NUP133: variants seen among roughly 807,000 people sequenced by gnomAD.
NUP133 encodes nucleoporin 133.
In NUP133, 66 loss-of-function variants were observed where a neutral mutation model predicts 146.2. The observed-to-expected ratio is 0.45, with a 90% confidence interval of 0.37 to 0.55. The LOEUF is 0.55. NUP133 is among the 20% of genes least tolerant of loss of function. NUP133 has a pLI of 0.00. For missense variants in NUP133, 1,277 were observed against 1,374.8 expected, an observed-to-expected ratio of 0.93 and a Z score of 1.12; for synonymous variants, 521 against 498.8, an observed-to-expected ratio of 1.04 and a Z score of -0.59.
chr1:229,450,485 T>C (rs373544346), intron 23 of NUP133, 40 bp downstream of exon 23: 69 of 1,024,820 alleles, frequency 6.7e-5, no homozygotes, highest in Non-Finnish European at 9.8e-5. Context: ...TTTATATATG[T>C]ATTCAGTTGC....
chr1:229,449,390 C>T (rs1485975431), intron 23 of NUP133, among the ~76,000 whole-genome samples, 200 bp from the exon 24 acceptor site: 2 of 139,510 alleles, frequency 1.4e-5, no homozygotes, highest in African/African-American at 2.7e-5. Context: ...TTTTTTGAGA[C>T]GGAGTCTCGC....
intron 3 of NUP133, among the ~76,000 whole-genome samples, chr1:229,501,730 G>A (rs914038693): frequency 3.3e-5 from 5 of 152,098 alleles, no homozygotes; most frequent in Non-Finnish European, 2.9e-5. Context: ...TTAGGCAGAC[G>A]GATTAGCATT....
intron 20 of NUP133, among the ~76,000 whole-genome samples, chr1:229,460,254 G>T (rs551445769): frequency 6.6e-6 from 1 of 152,228 alleles, no homozygotes; most frequent in Admixed American, 6.5e-5. Flanking sequence ...GGAGTGCAAT[G>T]GTGCAATCTC....
chr1:229,500,572 A>C (rs747189764), intron 4 of NUP133, among the ~76,000 whole-genome samples, 184 bp downstream of exon 4: 14 of 152,290 alleles, frequency 9.2e-5, no homozygotes, highest in Non-Finnish European at 1.9e-4. Flanking sequence ...CTTTATGTGG[A>C]TCTATAACTG....
At chr1:229,490,173 A>G (rs371519920) in intron 8 of NUP133, 71 bp from the exon 9 acceptor site, 2 of 1,292,404 alleles carry the variant, frequency 1.5e-6, no homozygotes, top group African/African-American at 3.0e-5. Flanking sequence ...AAAATTAAAC[A>G]TATGCTTCCA....
Position 229,508,188 on chromosome 1 carries a change from G to A in NUP133, c.62C>T (p.Ala21Val). Residue 21 changes from alanine to valine, a missense_variant, in exon 1 of 26, where the codon GCC becomes GTC. By Grantham distance (64) the Ala-to-Val change is moderately conservative (BLOSUM62 0). Around this residue, in one of 3 missense-constraint regions of NUP133, gnomAD observed 319 missense variants for 306.9 expected, o/e 1.04. Coordinates refer to ENST00000261396, the MANE Select transcript of NUP133 (RefSeq NM_018230.3). Reference sequence around the variant, plus strand: ...GGGCGTGGAGCCGGGCCCGAGTCCGGCCAGCGGGCCCCTTCGGGACCCGGT... The same window carrying A: ...GGGCGTGGAGCCGGGCCCGAGTCCGACCAGCGGGCCCCTTCGGGACCCGGT... ...PGTGSRRGPL[A>V]GLGPGSTPRT... 1 of 1,579,678 alleles carries A rather than the reference G, an allele frequency of 6.3e-7. No individual in the cohort carries two copies. Among genetic ancestry groups the A allele is most frequent in the Non-Finnish European group, 8.6e-7 (1 of 1,164,722 alleles).
chr1:229,479,742 G>A (rs1038173803), intron 12 of NUP133, among the ~76,000 whole-genome samples: 5 of 152,126 alleles, frequency 3.3e-5, no homozygotes, highest in Non-Finnish European at 7.4e-5. Context: ...TCACATAATG[G>A]CCCGGGTCAT....
At chr1:229,454,113 A>G (rs1301622875) in intron 21 of NUP133, among the ~76,000 whole-genome samples, 1 of 152,212 alleles carries the variant, frequency 6.6e-6, no homozygotes. Context: ...AAAAGCTACC[A>G]TGAGTCTATC....
chr1:229,450,454 TA>T, intron 23 of NUP133, 70 bp downstream of exon 23: 1 of 726,424 alleles, frequency 1.4e-6, no homozygotes, highest in Non-Finnish European at 2.3e-6. Context: ...CATGATTGAC[TA>T]AAAGAGGGAT....
At chr1:229,456,015 C>T (rs1660551839) in intron 21 of NUP133, among the ~76,000 whole-genome samples, 1 of 152,090 alleles carries the variant, frequency 6.6e-6, no homozygotes, top group African/African-American at 2.4e-5. Context: ...TGTCTTTTGT[C>T]TTTCATGTTG....
chr1:229,481,121 T>C (rs577271452), intron 12 of NUP133, among the ~76,000 whole-genome samples: 7 of 152,232 alleles, frequency 4.6e-5, no homozygotes, highest in African/African-American at 1.7e-4. Flanking sequence ...ATTAAGTCCA[T>C]AGTACTTCAC....
At chr1:229,507,443 G>A (rs1255193826) in intron 1 of NUP133, among the ~76,000 whole-genome samples, 2 of 151,924 alleles carry the variant, frequency 1.3e-5, no homozygotes, top group African/African-American at 4.8e-5. Context: ...GTGGGGAGGG[G>A]TGTGTGTGTG....
chr1:229,498,419 A>G (rs942455660), intron 5 of NUP133, 113 bp from the exon 6 acceptor site: 13 of 653,686 alleles, frequency 2.0e-5, no homozygotes, highest in Admixed American at 3.5e-5. Context: ...CTAAAAGAAT[A>G]CAAAATAGAA....
intron 2 of NUP133, among the ~76,000 whole-genome samples, chr1:229,503,410 A>C (rs181694442): frequency 3.3e-5 from 5 of 152,362 alleles, no homozygotes; most frequent in Non-Finnish European, 7.4e-5. Context: ...CCAAAAGCAC[A>C]TAATTTTCAA....
intron 4 of NUP133, among the ~76,000 whole-genome samples, chr1:229,500,390 A>G (rs1661766746): frequency 6.6e-6 from 1 of 152,186 alleles, no homozygotes; most frequent in South Asian, 2.1e-4. Flanking sequence ...TAATCTTTGT[A>G]ACAAGGTATG....
intron 25 of NUP133, among the ~76,000 whole-genome samples, chr1:229,443,241 T>A (rs1485795904): frequency 6.6e-6 from 1 of 151,458 alleles, no homozygotes; most frequent in Admixed American, 6.6e-5. Flanking sequence ...GGTCTTGCTA[T>A]GTGGCCCAGG....
Position 229,440,401 on chromosome 1 carries a change from G to T in NUP133, c.*1503C>A, listed in dbSNP as rs980328805. On this transcript the variant is annotated 3_prime_UTR_variant, in exon 26 of 26. Transcript: ENST00000261396. ...GAACAGGATGACTCTACTTCACACG[G>T]TAAGAGCAGTCGTTCTACGTCCACG... 3.3e-5 allele frequency: 5 copies of T among 152,178 alleles called. No homozygotes were observed. Among genetic ancestry groups the T allele is most frequent in the Non-Finnish European group, 7.3e-5 (5 of 68,058 alleles). 9.4% of individuals were successfully genotyped at this position (152,178 alleles called of 1,614,324 possible). A position where few individuals can be genotyped will look rare whatever the true frequency, so the allele number is the denominator to read the frequency against.
intron 1 of NUP133, chr1:229,507,850 G>T: frequency 1.1e-6 from 1 of 906,564 alleles, no homozygotes; most frequent in Non-Finnish European, 1.3e-6. Flanking sequence ...TCTGCACAAA[G>T]GTATCCATGA....
intron 24 of NUP133, among the ~76,000 whole-genome samples, chr1:229,446,884 T>C (rs1168009896): frequency 1.3e-5 from 2 of 152,116 alleles, no homozygotes; most frequent in Non-Finnish European, 2.9e-5. Context: ...CCTAGCACTT[T>C]GGGAGGCCGA....
Sources: allele counts gnomAD v4.1 joint callset (sites outside exome capture counted in the v4.1 genomes callset), GRCh38; gene constraint gnomAD v4.1.1; regional missense constraint gnomAD v4.1.1; transcripts MANE v1.5; gene names NCBI Gene and HGNC (gene_info 2026-07-23, HGNC 2026-07-21).